The following TMPRSS11D variants were observed in gnomAD, a reference collection of about 807,000 sequenced individuals.
TMPRSS11D encodes the protein transmembrane serine protease 11D, also known as transmembrane protease serine 11D.
Under a neutral mutation model 44.4 loss-of-function variants are expected in TMPRSS11D, and 32 were observed. The observed-to-expected ratio is 0.72, with a 90% CI of 0.54 to 0.97. The LOEUF (loss-of-function observed/expected upper bound fraction) is 0.97, where lower values mean the gene tolerates loss of function less well. TMPRSS11D is among the 50% of genes least tolerant of loss of function. TMPRSS11D has a pLI of 0.00. For missense variants in TMPRSS11D, 446 were observed against 502.6 expected, an observed-to-expected ratio of 0.89 and a Z score of 1.08; for synonymous variants, 179 against 177.9, an observed-to-expected ratio of 1.01 and a Z score of -0.05.
chr4:67,878,843 T>C (rs1168494793), intron 1 of TMPRSS11D, among the ~76,000 whole-genome samples: 1 of 152,012 alleles, frequency 6.6e-6, no homozygotes, highest in Non-Finnish European at 1.5e-5. Context: ...GGAGAATCAC[T>C]TGAACCCAGG....
chr4:67,826,591 A>G (rs1577801747), intron 8 of TMPRSS11D, among the ~76,000 whole-genome samples: 1 of 152,066 alleles, frequency 6.6e-6, no homozygotes, highest in East Asian at 1.9e-4. Context: ...AGTTTTTGCC[A>G]TATCCCAGAA....
chr4:67,841,582 T>C (rs1395015236), intron 4 of TMPRSS11D, among the ~76,000 whole-genome samples: 1 of 152,064 alleles, frequency 6.6e-6, no homozygotes, highest in Admixed American at 6.6e-5. Context: ...GAGTGATAAG[T>C]GGGAAGTGAA....
At chr4:67,878,309 G>T (rs1368471877) in intron 1 of TMPRSS11D, among the ~76,000 whole-genome samples, 4 of 152,054 alleles carry the variant, frequency 2.6e-5, no homozygotes, top group Admixed American at 2.6e-4. Flanking sequence ...TTAATCACTG[G>T]AACAGTTGTC....
chr4:67,851,759 T>C lies in TMPRSS11D; in HGVS notation c.249+2309A>G, dbSNP rs190654299. Among the ~76,000 whole-genome samples the C allele has an allele frequency of 1.6e-3, 244 of 152,342 alleles. 1 individual carries two copies. Among genetic ancestry groups the C allele is most frequent in the African/African-American group, 5.1e-3 (210 of 41,584 alleles). On this transcript the variant is annotated intron_variant, in intron 3 of 9. Coordinates refer to ENST00000283916, the MANE Select transcript of TMPRSS11D (RefSeq NM_004262.3). ...CCTCTTCTAGCCAATGGCACCATTA[T>C]CTACCGAAGTTAGACATTTCTGTGT...
intron 4 of TMPRSS11D, 92 bp from the exon 5 acceptor site, chr4:67,838,421 G>T: frequency 8.2e-7 from 1 of 1,222,832 alleles, no homozygotes; most frequent in Non-Finnish European, 1.1e-6. Flanking sequence ...CCCTTTTAAA[G>T]AATTCATTTG....
intron 5 of TMPRSS11D, among the ~76,000 whole-genome samples, chr4:67,836,918 C>T (rs1474235479): frequency 6.6e-6 from 1 of 152,038 alleles, no homozygotes; most frequent in Non-Finnish European, 1.5e-5. Context: ...TAAATCCTAC[C>T]CATATTTCAA....
intron 3 of TMPRSS11D, among the ~76,000 whole-genome samples, chr4:67,846,984 A>G (rs554810237): frequency 1.3e-5 from 2 of 152,062 alleles, no homozygotes; most frequent in South Asian, 4.2e-4. Flanking sequence ...GGCTCACTGC[A>G]ACCTCTGCCT....
intron 1 of TMPRSS11D, among the ~76,000 whole-genome samples, chr4:67,879,781 A>G (rs1719278594): frequency 6.6e-6 from 1 of 152,190 alleles, no homozygotes; most frequent in African/African-American, 2.4e-5. Context: ...ATAAAAATGC[A>G]TATACCATGT....
chr4:67,850,475 A>AG (rs1718475656), intron 3 of TMPRSS11D, among the ~76,000 whole-genome samples: 1 of 149,156 alleles, frequency 6.7e-6, no homozygotes, highest in Non-Finnish European at 1.5e-5. Flanking sequence ...CGAGTTAGGA[A>AG]GAGATAAAAC....
chr4:67,832,900 A>C (rs559260656), intron 7 of TMPRSS11D, among the ~76,000 whole-genome samples: 1 of 152,224 alleles, frequency 6.6e-6, no homozygotes, highest in East Asian at 1.9e-4. Flanking sequence ...TGGAAAAAAA[A>C]TAAAGCTTAT....
At chr4:67,867,781 T>C (rs902311622) in intron 1 of TMPRSS11D, among the ~76,000 whole-genome samples, 1 of 152,098 alleles carries the variant, frequency 6.6e-6, no homozygotes, top group Non-Finnish European at 1.5e-5. Context: ...GATAAACTGT[T>C]ACACCAGTTG....
rs1416208747 is a variant in TMPRSS11D at position 67,833,521 on chromosome 4, T to G, written c.515-140A>C. 4.2e-6 allele frequency: 3 copies of G among 715,434 alleles called. No individual in the cohort carries two copies. The African/African-American group carries it at 5.5e-5, about 13-fold the overall frequency. 44.3% of individuals were successfully genotyped at this position (715,434 alleles called of 1,614,324 possible). A position where few individuals can be genotyped will look rare whatever the true frequency, so the allele number is the denominator to read the frequency against. ...GACATGCTGGATTTTCCAAAAAGCA[T>G]GATCGATATATTTCTACAATGCATT... is the stretch of plus-strand genomic sequence containing the variant. On this transcript the variant is annotated intron_variant, in intron 6 of 9. Coordinates refer to ENST00000283916, the MANE Select transcript of TMPRSS11D (RefSeq NM_004262.3).
intron 1 of TMPRSS11D, among the ~76,000 whole-genome samples, chr4:67,867,647 C>A (rs28773044): frequency 3.3e-5 from 5 of 151,906 alleles, no homozygotes; most frequent in African/African-American, 9.7e-5. Context: ...ACACAATAAC[C>A]CCCTTAAAGA....
chr4:67,883,300 C>T (rs953046161), intron 1 of TMPRSS11D, among the ~76,000 whole-genome samples: 2 of 151,936 alleles, frequency 1.3e-5, no homozygotes, highest in African/African-American at 2.4e-5. Context: ...GAGATGTTAA[C>T]GTGTGACTTG....
intron 3 of TMPRSS11D, among the ~76,000 whole-genome samples, chr4:67,848,948 T>A (rs553110392): frequency 1.3e-5 from 2 of 152,308 alleles, no homozygotes; most frequent in East Asian, 3.9e-4. Flanking sequence ...TTGCTACATA[T>A]AGATAATCAG....
At chr4:67,845,369 A>G (rs1223506659) in intron 3 of TMPRSS11D, among the ~76,000 whole-genome samples, 2 of 152,220 alleles carry the variant, frequency 1.3e-5, no homozygotes, top group Non-Finnish European at 2.9e-5. Context: ...TGATAAGGGC[A>G]GTAGATGGAA....
At chr4:67,876,468 C>T (rs1199965954) in intron 1 of TMPRSS11D, among the ~76,000 whole-genome samples, 1 of 151,748 alleles carries the variant, frequency 6.6e-6, no homozygotes, top group Admixed American at 6.6e-5. Context: ...TTGACAAATA[C>T]AATTTTACAT....
At chr4:67,835,267 G>T in intron 5 of TMPRSS11D, 146 bp from the exon 6 acceptor site, 2 of 671,646 alleles carry the variant, frequency 3.0e-6, no homozygotes, top group South Asian at 3.8e-5. Context: ...AGATTCCTAG[G>T]CTTCCTTTCA....
In TMPRSS11D at chr4:67,838,277, T is replaced by C. The variant is rs1165506313; in HGVS notation, c.370A>G (p.Arg124Gly). Residue 124 changes from arginine (R) to glycine (G), a missense_variant, in exon 5 of 10, where the codon AGA becomes GGA. Arg to Gly is a moderately radical substitution (Grantham distance 125). Transcript: ENST00000283916. ...ADVVMKFQFT[R>G]NNNGASMKSR... ...TTCATTGATGCTCCATTGTTATTTC[T>C]AGTGAATTGAAATTTCATGACAACA... is the stretch of plus-strand genomic sequence containing the variant. The C allele has an allele frequency of 3.1e-6, 5 of 1,600,194 alleles. No homozygotes were observed. In the South Asian group the frequency reaches 5.7e-5, roughly 18 times the overall value.
Sources: allele counts gnomAD v4.1 joint callset (sites outside exome capture counted in the v4.1 genomes callset), GRCh38; gene constraint gnomAD v4.1.1; transcripts MANE v1.5; gene names NCBI Gene and HGNC (gene_info 2026-07-23, HGNC 2026-07-21).